The following ADI1 variants were observed in gnomAD, a reference collection of about 807,000 sequenced individuals.
The protein encoded by ADI1 is acireductone dioxygenase.
A neutral mutation model predicts 18.7 loss-of-function variants in ADI1; 21 were observed. That is an observed-to-expected ratio of 1.13 (90% CI 0.80 to 1.62). The LOEUF (loss-of-function observed/expected upper bound fraction) is 1.62, where lower values mean the gene tolerates loss of function less well. Among genes scored for constraint, ADI1 ranks in the 40% most tolerant of loss-of-function variants. The pLI is 0.00. For synonymous variants in ADI1, 90 were observed against 100.1 expected (o/e 0.90, Z 0.60); for missense variants, 245 against 254.9 (o/e 0.96, Z 0.26).
At position 3,519,496 on chromosome 2, in the gene ADI1, G is replaced by A; in HGVS notation, c.-9C>T. ...TACCAGGCCTGCACCATGACGCGCA[G>A]TGCGGGTGCCGTGTTCGAACCCAGG... On this transcript the variant is annotated 5_prime_UTR_variant, in exon 1 of 4. Transcript: ENST00000327435. The A allele has an allele frequency of 7.8e-7, 1 of 1,280,162 alleles. No individual in the cohort carries two copies. The highest frequency in any genetic ancestry group is 9.9e-7 in the Non-Finnish European group (1 of 1,010,832). The allele number at this position is 1,280,162 out of a possible 1,614,324, so 79.3% of individuals were successfully genotyped here. A position where few individuals can be genotyped will look rare whatever the true frequency, so the allele number is the denominator to read the frequency against.
chr2:3,501,200 A>G (rs909424363), intron 2 of ADI1, among the ~76,000 whole-genome samples: 13 of 152,310 alleles, frequency 8.5e-5, no homozygotes, highest in Middle Eastern at 3.4e-3. Context: ...CTGTCAACAA[A>G]TGGGCAGTAA....
At chr2:3,505,222 AC>A (rs1427928012) in intron 2 of ADI1, among the ~76,000 whole-genome samples, 1 of 152,212 alleles carries the variant, frequency 6.6e-6, no homozygotes, top group Non-Finnish European at 1.5e-5. Context: ...AAACTGAAAA[AC>A]CAACTCTTTT....
intron 2 of ADI1, among the ~76,000 whole-genome samples, chr2:3,508,334 CAAAAAAAAAA>C (rs33977448): frequency 3.7e-4 from 10 of 26,924 alleles, no homozygotes; most frequent in Admixed American, 1.5e-3. Flanking sequence ...GACTCTGTCT[CAAAAAAAAAA>C]AAAAAAAAAA....
chr2:3,512,872 G>A (rs2103211489), intron 2 of ADI1, among the ~76,000 whole-genome samples: 1 of 152,316 alleles, frequency 6.6e-6, no homozygotes, highest in East Asian at 1.9e-4. Context: ...ACCTGCAAAA[G>A]CTATAGGCAC....
intron 1 of ADI1, chr2:3,517,592 C>T (rs1384414133): frequency 3.3e-5 from 5 of 152,018 alleles, no homozygotes; most frequent in Admixed American, 6.6e-5. Flanking sequence ...ATGGAGAAAC[C>T]CTGTCTCTAC....
intron 1 of ADI1, chr2:3,515,419 AT>A (rs200601022): frequency 0.032 from 4,842 of 152,510 alleles, 270 homozygotes; most frequent in African/African-American, 0.11. Context: ...ACCCTGGTAA[AT>A]TTGTGGTCAG....
At chr2:3,499,639 G>A (rs1233655596) in intron 3 of ADI1, among the ~76,000 whole-genome samples, 1 of 152,150 alleles carries the variant, frequency 6.6e-6, no homozygotes, top group East Asian at 1.9e-4. Flanking sequence ...AAAAAATTGA[G>A]AACAATGTAT....
intron 1 of ADI1, among the ~76,000 whole-genome samples, chr2:3,518,713 T>G (rs1053401243): frequency 3.3e-5 from 5 of 152,188 alleles, no homozygotes; most frequent in African/African-American, 7.2e-5. Flanking sequence ...CAGGACACTT[T>G]CAAGCGGAGT....
chr2:3,500,068 GAAAAAAAAAA>G (rs60929236), intron 3 of ADI1, among the ~76,000 whole-genome samples: 1 of 85,912 alleles, frequency 1.2e-5, no homozygotes, highest in Non-Finnish European at 2.6e-5. Flanking sequence ...CCATCTCAAA[GAAAAAAAAAA>G]AAAAAAGAAT....
chr2:3,503,261 C>T lies in ADI1; in HGVS notation c.241-2268G>A, dbSNP rs916172916. Among the ~76,000 whole-genome samples, 3 of 140,910 alleles carry T rather than the reference C, an allele frequency of 2.1e-5. 1 individual carries two copies. Among genetic ancestry groups the T allele is most frequent in the Non-Finnish European group, 3.1e-5 (2 of 65,008 alleles). 92.4% of individuals were successfully genotyped at this position (140,910 alleles called of 152,430 possible). A position where few individuals can be genotyped will look rare whatever the true frequency, so the allele number is the denominator to read the frequency against. On this transcript the variant is annotated intron_variant, in intron 2 of 3. Coordinates refer to ENST00000327435, the MANE Select transcript of ADI1 (RefSeq NM_018269.4). Reference sequence around the variant, plus strand: ...ATGTGCATTCACACACATGCACACACGTAACACTCACTCATGTGCATTCAC... The same window carrying T: ...ATGTGCATTCACACACATGCACACATGTAACACTCACTCATGTGCATTCAC...
intron 1 of ADI1, 34 bp downstream of exon 1, chr2:3,519,334 G>GC: frequency 7.3e-7 from 1 of 1,371,326 alleles, no homozygotes; most frequent in Non-Finnish European, 9.4e-7. Context: ...GGTCGGCGTC[G>GC]CCCGCACGCT....
chr2:3,519,238 C>T (rs1015118881), intron 1 of ADI1, 130 bp downstream of exon 1: 4 of 1,263,440 alleles, frequency 3.2e-6, no homozygotes, highest in Non-Finnish European at 4.0e-6. Context: ...ACCCCCAAAT[C>T]CCGCTGCTGA....
intron 3 of ADI1, among the ~76,000 whole-genome samples, chr2:3,500,254 A>G (rs1450125821): frequency 6.6e-6 from 1 of 152,142 alleles, no homozygotes; most frequent in Non-Finnish European, 1.5e-5. Context: ...AACCATGTGC[A>G]TTTAGTATTT....
At chr2:3,518,630 C>A (rs1212145846) in intron 1 of ADI1, among the ~76,000 whole-genome samples, 10 of 150,790 alleles carry the variant, frequency 6.6e-5, no homozygotes, top group South Asian at 4.2e-4. Context: ...CACCACCGAG[C>A]GCTACCCCCC....
intron 2 of ADI1, among the ~76,000 whole-genome samples, chr2:3,504,849 T>C (rs9678134): frequency 0.48 from 73,166 of 151,150 alleles, 20,679 homozygotes; most frequent in African/African-American, 0.81. Context: ...TCTGCATTGT[T>C]GGTTCACCTG....
intron 1 of ADI1, chr2:3,519,165 C>G (rs1667500410): frequency 2.8e-6 from 2 of 703,672 alleles, no homozygotes; most frequent in Admixed American, 9.0e-5. Context: ...GCAGGAGGCC[C>G]TGACCACCCA....
At position 3,498,820 on chromosome 2, in the gene ADI1, AT is replaced by A; in HGVS notation, c.*142del. Reference sequence around the variant, plus strand: ...TTTCTAGATCCTTTCATTACAAAATATTCTGATCAAATAATCTTACAAAGGA... The same window carrying A: ...TTTCTAGATCCTTTCATTACAAAATATCTGATCAAATAATCTTACAAAGGA... On this transcript the variant is annotated 3_prime_UTR_variant, in exon 4 of 4. Transcript: ENST00000327435. 2 of 1,369,644 alleles carry A rather than the reference AT, an allele frequency of 1.5e-6. No individual in the cohort carries two copies. The highest frequency in any genetic ancestry group is 2.0e-6 in the Non-Finnish European group (2 of 1,013,082). The allele number at this position is 1,369,644 out of a possible 1,614,324, so 84.8% of individuals were successfully genotyped here. A position where few individuals can be genotyped will look rare whatever the true frequency, so the allele number is the denominator to read the frequency against.
intron 2 of ADI1, among the ~76,000 whole-genome samples, chr2:3,510,304 A>T (rs1667272214): frequency 6.6e-6 from 1 of 152,106 alleles, no homozygotes; most frequent in Admixed American, 6.5e-5. Context: ...GGCAGAGCAA[A>T]GTAATAATAA....
At chr2:3,516,227 A>C in intron 1 of ADI1, 1 of 242,432 alleles carries the variant, frequency 4.1e-6, no homozygotes, top group Non-Finnish European at 6.6e-6. Context: ...CACACCTATA[A>C]TCCCAGAACT....
Sources: gnomAD v4.1 joint callset for allele counts (sites outside exome capture counted in the v4.1 genomes callset) on GRCh38, gnomAD v4.1.1 for gene constraint, MANE v1.5 for transcripts, NCBI Gene and HGNC (gene_info 2026-07-23, HGNC 2026-07-21) for gene names.